LYPLAL1: variants seen among roughly 807,000 people sequenced by gnomAD.
LYPLAL1 encodes lysophospholipase-like protein 1.
Under a neutral mutation model 19.7 loss-of-function variants are expected in LYPLAL1, and 23 were observed. The ratio of observed to expected loss-of-function variants is 1.17; its 90% CI spans 0.84 to 1.65. The LOEUF is 1.65. LYPLAL1 is among the 40% of genes most tolerant of loss of function. LYPLAL1 has a pLI of 0.00. For missense variants in LYPLAL1, 355 were observed against 279.4 expected, an observed-to-expected ratio of 1.27 and a Z score of -1.93; for synonymous variants, 119 against 96.3, an observed-to-expected ratio of 1.24 and a Z score of -1.38.
chr1:219,366,055 C>T, the LYPLAL1 span, among the ~76,000 whole-genome samples: 1 of 152,112 alleles, frequency 6.6e-6, no homozygotes, highest in Non-Finnish European at 1.5e-5. Context: ...AGGCCTCATC[C>T]AGACATTTTG....
the LYPLAL1 span, chr1:219,222,669 G>A: frequency 6.6e-6 from 1 of 152,050 alleles, no homozygotes. Flanking sequence ...TAAAAGGACT[G>A]TAAGTTTCCC....
chr1:219,405,883 A>G, the LYPLAL1 span, among the ~76,000 whole-genome samples: 1 of 152,114 alleles, frequency 6.6e-6, no homozygotes, highest in Non-Finnish European at 1.5e-5. Flanking sequence ...ACCCCTAAAT[A>G]TGGAAGCACT....
At chr1:219,175,358 T>A (rs1006020710) in intron 1 of LYPLAL1, among the ~76,000 whole-genome samples, 1 of 152,150 alleles carries the variant, frequency 6.6e-6, no homozygotes, top group Admixed American at 6.5e-5. Context: ...ATGACAGCGG[T>A]ACTTAATAAC....
chr1:219,346,147 A>C, the LYPLAL1 span, among the ~76,000 whole-genome samples: 10,390 of 152,248 alleles, frequency 0.068, 506 homozygotes, highest in South Asian at 0.14. Flanking sequence ...AGAAGGCTTT[A>C]TTGGGGTGCT....
chr1:219,443,271 A>G, the LYPLAL1 span, among the ~76,000 whole-genome samples: 1 of 152,212 alleles, frequency 6.6e-6, no homozygotes, highest in African/African-American at 2.4e-5. Flanking sequence ...TACAAGATAC[A>G]GTACAGGTCC....
intron 2 of LYPLAL1, among the ~76,000 whole-genome samples, chr1:219,183,460 G>T (rs1572159920): frequency 6.6e-6 from 1 of 151,984 alleles, no homozygotes; most frequent in Non-Finnish European, 1.5e-5. Flanking sequence ...TACAGAAATT[G>T]TATGTGCATA....
the LYPLAL1 span, among the ~76,000 whole-genome samples, chr1:219,316,627 A>G: frequency 2.0e-5 from 3 of 152,188 alleles, no homozygotes; most frequent in African/African-American, 7.2e-5. Flanking sequence ...AATAACTAAA[A>G]TGTGAGAGCA....
the LYPLAL1 span, among the ~76,000 whole-genome samples, chr1:219,421,240 A>C: frequency 2.0e-4 from 31 of 152,338 alleles, no homozygotes; most frequent in South Asian, 6.2e-4. Context: ...CCAGCTACAG[A>C]ACTGTCAGAG....
the LYPLAL1 span, among the ~76,000 whole-genome samples, chr1:219,320,171 G>A: frequency 6.6e-6 from 1 of 152,138 alleles, no homozygotes; most frequent in Admixed American, 6.5e-5. Flanking sequence ...TCCGTCCCAT[G>A]TTTTCTTTTC....
chr1:219,407,122 A>T, the LYPLAL1 span, among the ~76,000 whole-genome samples: 1 of 152,200 alleles, frequency 6.6e-6, no homozygotes, highest in South Asian at 2.1e-4. Flanking sequence ...GCAAATCAAA[A>T]CTTTTTCCAG....
At chr1:219,408,395 G>C in the LYPLAL1 span, among the ~76,000 whole-genome samples, 1 of 152,120 alleles carries the variant, frequency 6.6e-6, no homozygotes, top group Non-Finnish European at 1.5e-5. Flanking sequence ...TGTGGGGTTT[G>C]CCTGGAGGAA....
the LYPLAL1 span, among the ~76,000 whole-genome samples, chr1:219,332,380 A>G: frequency 1.3e-5 from 2 of 152,152 alleles, no homozygotes; most frequent in Non-Finnish European, 2.9e-5. Flanking sequence ...TGAAGAGACC[A>G]TCTTGCCTTC....
At chr1:219,402,577 A>G in the LYPLAL1 span, among the ~76,000 whole-genome samples, 131,264 of 150,812 alleles carry the variant, frequency 0.87, 57,315 homozygotes, top group East Asian at 0.97. Context: ...CTACTAATAT[A>G]CTTTTAAAAA....
chr1:219,257,041 C>A, the LYPLAL1 span, among the ~76,000 whole-genome samples: 1 of 151,938 alleles, frequency 6.6e-6, no homozygotes, highest in Non-Finnish European at 1.5e-5. Flanking sequence ...TTGTTATTAT[C>A]CTACTATGCC....
chr1:219,315,064 T>C, the LYPLAL1 span, among the ~76,000 whole-genome samples: 13 of 152,108 alleles, frequency 8.5e-5, no homozygotes, highest in Non-Finnish European at 1.6e-4. Flanking sequence ...TTCTGTAAGC[T>C]TTACTGTTGG....
chr1:219,283,077 T>G, the LYPLAL1 span, among the ~76,000 whole-genome samples: 18 of 152,146 alleles, frequency 1.2e-4, no homozygotes, highest in African/African-American at 4.3e-4. Context: ...ATGAAATGTT[T>G]GGAAAATAAT....
At position 219,210,597 on chromosome 1, in the gene LYPLAL1, G is replaced by A. The variant is rs1455888380; in HGVS notation, c.427G>A (p.Gly143Arg). 6.2e-7 allele frequency: 1 copy of A among 1,610,622 alleles called. No individual in the cohort carries two copies. Among genetic ancestry groups the A allele is most frequent in the East Asian group, 2.2e-5 (1 of 44,752 alleles). Residue 143 changes from glycine to arginine, a missense_variant, in exon 4 of 5, where the codon GGA (glycine) becomes AGA (arginine). Gly to Arg is a moderately radical substitution (Grantham distance 125). Transcript: ENST00000366928. ...LAYRNHQDVA[G>R]VFALSSFLNK... ...ATATAGAAATCATCAAGATGTGGCA[G>A]GAGTATTTGCTCTTTCTAGTTTTCT... is the stretch of plus-strand genomic sequence containing the variant.
At chr1:219,255,215 A>AT in the LYPLAL1 span, among the ~76,000 whole-genome samples, 38 of 151,698 alleles carry the variant, frequency 2.5e-4, no homozygotes, top group Middle Eastern at 6.8e-3. Context: ...AATAACTTTT[A>AT]TTTTTTATAA....
In LYPLAL1 at chr1:219,202,030, C is replaced by T. The variant is rs1400184087; in HGVS notation, c.362-8502C>T. ...GCTGAACTTCTCATGTATGTATTCC[C>T]TGAGTTAGAAACATCATAATTACAA... On this transcript the variant is annotated intron_variant, in intron 3 of 4. Transcript: ENST00000366928. Among the ~76,000 whole-genome samples the T allele has an allele frequency of 2.0e-5, 3 of 152,092 alleles. 1 individual carries two copies. The highest frequency in any genetic ancestry group is 4.1e-4 in the South Asian group (2 of 4,822).
Sources: gnomAD v4.1 joint callset for allele counts (sites outside exome capture counted in the v4.1 genomes callset) on GRCh38, gnomAD v4.1.1 for gene constraint, MANE v1.5 for transcripts, NCBI Gene and HGNC (gene_info 2026-07-23, HGNC 2026-07-21) for gene names.